The following FECH variants were observed in gnomAD, a reference collection of about 807,000 sequenced individuals.
The protein encoded by FECH is ferrochelatase.
Under a neutral mutation model 56.9 loss-of-function variants are expected in FECH, and 40 were observed. The observed-to-expected ratio is 0.70, with a 90% CI of 0.55 to 0.92. The LOEUF is 0.92. FECH is among the 40% of genes least tolerant of loss of function. The pLI is 0.00. For synonymous variants in FECH, 175 were observed against 198.6 expected, an observed-to-expected ratio of 0.88 and a Z score of 1.00; for missense variants, 431 against 529.1, an observed-to-expected ratio of 0.81 and a Z score of 1.82.
At chr18:57,579,313 G>GTGTGTATA (rs531089366) in intron 2 of FECH, among the ~76,000 whole-genome samples, 2,510 of 143,700 alleles carry the variant, frequency 0.017, 78 homozygotes, top group African/African-American at 0.063. Context: ...GTGTGTGTGT[G>GTGTGTATA]TATATATTCA....
At chr18:57,576,595 C>A (rs1030075572) in intron 2 of FECH, among the ~76,000 whole-genome samples, 2 of 152,138 alleles carry the variant, frequency 1.3e-5, no homozygotes, top group Non-Finnish European at 2.9e-5. Context: ...AGTGTGCAAA[C>A]GGGATTTAGA....
rs1437186902 is a variant in FECH at position 57,554,959 on chromosome 18, CAG to C, written c.805-9_805-8del. 6 of 1,611,662 alleles carry C rather than the reference CAG, an allele frequency of 3.7e-6. No individual in the cohort carries two copies. The highest frequency in any genetic ancestry group is 5.1e-6 in the Non-Finnish European group (6 of 1,177,844). On this transcript the variant is annotated splice_region_variant and splice_polypyrimidine_tract_variant and intron_variant, in intron 7 of 10. Transcript: ENST00000262093. ...GGTCGCCTCTGTTGACCACCTGCAG[CAG>C]AGACACAATGGGTGTTCAGCCATTA...
chr18:57,575,141 A>C (rs1234640697), intron 2 of FECH, among the ~76,000 whole-genome samples: 2 of 152,140 alleles, frequency 1.3e-5, no homozygotes, highest in African/African-American at 4.8e-5. Flanking sequence ...ACTCAGCATA[A>C]AATGTTCATG....
At position 57,550,602 on chromosome 18, in the gene FECH, T is replaced by A; in HGVS notation, c.*110A>T. On this transcript the variant is annotated 3_prime_UTR_variant, in exon 11 of 11. Coordinates refer to ENST00000262093, the MANE Select transcript of FECH (RefSeq NM_000140.5). ...AATTTGTACCCAAAGGCTGTATATA[T>A]ATCAAGGAAGGATGACTTCCTTCCT... The A allele has an allele frequency of 7.2e-7, 1 of 1,394,050 alleles. No individual in the cohort carries two copies. The highest frequency in any genetic ancestry group is 1.8e-4 in the Middle Eastern group (1 of 5,584). 86.4% of individuals were successfully genotyped at this position (1,394,050 alleles called of 1,614,324 possible). A position where few individuals can be genotyped will look rare whatever the true frequency, so the allele number is the denominator to read the frequency against.
In FECH at chr18:57,571,555, A is replaced by G; in HGVS notation, c.315-15T>C. ...GTGCCAGCTTACTAAATCATTTAAC[A>G]TACAGGTAAGTGGATTTTATTCCAG... On this transcript the variant is annotated splice_polypyrimidine_tract_variant and intron_variant, in intron 3 of 10. Coordinates refer to ENST00000262093, the MANE Select transcript of FECH (RefSeq NM_000140.5). The G allele has an allele frequency of 1.2e-6, 2 of 1,614,128 alleles. No individual in the cohort carries two copies. Among genetic ancestry groups the G allele is most frequent in the Non-Finnish European group, 1.7e-6 (2 of 1,180,020 alleles).
chr18:57,573,463 C>T, intron 2 of FECH, 98 bp from the exon 3 acceptor site: 1 of 1,418,138 alleles, frequency 7.1e-7, no homozygotes. Flanking sequence ...CTGTTCCATA[C>T]AAAGGTAAAT....
chr18:57,575,884 T>G (rs2051178968), intron 2 of FECH, among the ~76,000 whole-genome samples: 1 of 152,232 alleles, frequency 6.6e-6, no homozygotes, highest in African/African-American at 2.4e-5. Context: ...CTCAACCTAC[T>G]TTTTCAGAAT....
rs745970721 is a variant in FECH at position 57,550,710 on chromosome 18, G to C, written c.*2C>G. On this transcript the variant is annotated 3_prime_UTR_variant, in exon 11 of 11. Coordinates refer to ENST00000262093, the MANE Select transcript of FECH (RefSeq NM_000140.5). ...TAACGCCACGGGGTCCACCGGCGGG[G>C]GTCACAGCTGCTGGCTGGTGAAGAA... is the stretch of plus-strand genomic sequence containing the variant. 6.2e-7 allele frequency: 1 copy of C among 1,613,880 alleles called. No individual in the cohort carries two copies.
At position 57,550,498 on chromosome 18, in the gene FECH, G is replaced by A; in HGVS notation, c.*214C>T. On this transcript the variant is annotated 3_prime_UTR_variant, in exon 11 of 11. Transcript: ENST00000262093. The stretch of plus-strand genomic sequence containing the variant: ...TCCAAACTAGTAACTTATACCTAGA[G>A]AGAGAAAATACAAATGCTTACTGTA... 1.8e-6 allele frequency: 1 copy of A among 554,570 alleles called. No homozygotes were observed. Among genetic ancestry groups the A allele is most frequent in the South Asian group, 2.1e-5 (1 of 47,148 alleles). 34.4% of individuals were successfully genotyped at this position (554,570 alleles called of 1,614,324 possible).
chr18:57,551,317 T>A lies in FECH; in HGVS notation c.1135A>T (p.Lys379Ter), dbSNP rs879255507. 12 of 1,606,970 alleles carry A rather than the reference T, an allele frequency of 7.5e-6. No homozygotes were observed. Among genetic ancestry groups the A allele is most frequent in the Non-Finnish European group, 1.0e-5 (12 of 1,173,716 alleles). The change falls in exon 10 of 11, where the codon AAG becomes TAG. Residue 379 changes from lysine (K) to a stop codon, truncating the protein, a stop_gained and splice_region_variant. Transcript: ENST00000262093. LOFTEE classifies it high-confidence loss of function. ...ESLNGNPLFS[K>*]ALADLVHSHI... ...AACGATTGTAACACTGTAGATACCT[T>A]AGAGAACAATGGATTTCCATTAAGA...
Position 57,582,792 on chromosome 18 carries a change from G to A in FECH, c.68-2593C>T, listed in dbSNP as rs1422133906. On this transcript the variant is annotated intron_variant, in intron 1 of 10. Transcript: ENST00000262093. ...AAAAAAATTAGCCAGGCGTGGTGGC[G>A]GGTGCCTGTAGTTCCAGGCTGAGAC... 1.2e-4 allele frequency among the ~76,000 whole-genome samples: 18 copies of A among 151,586 alleles called. 1 individual carries two copies. The highest frequency in any genetic ancestry group is 6.3e-4 in the South Asian group (3 of 4,784).
chr18:57,583,347 C>T (rs749961990), intron 1 of FECH, among the ~76,000 whole-genome samples: 3 of 152,324 alleles, frequency 2.0e-5, no homozygotes, highest in South Asian at 2.1e-4. Flanking sequence ...GTAGAGAGTA[C>T]GTGTTCGGAA....
At chr18:57,584,195 G>C (rs1646592) in intron 1 of FECH, among the ~76,000 whole-genome samples, 40,856 of 137,262 alleles carry the variant, frequency 0.3, 6,770 homozygotes, top group African/African-American at 0.47. Flanking sequence ...AAAAAAAAAA[G>C]AAAACAAAAC....
At chr18:57,575,349 T>C (rs560212759) in intron 2 of FECH, among the ~76,000 whole-genome samples, 5 of 152,328 alleles carry the variant, frequency 3.3e-5, no homozygotes, top group African/African-American at 1.2e-4. Context: ...CTCTGACCAC[T>C]GCAGTGACTA....
At chr18:57,563,778 G>A (rs540832380) in intron 5 of FECH, among the ~76,000 whole-genome samples, 5 of 152,076 alleles carry the variant, frequency 3.3e-5, no homozygotes, top group African/African-American at 1.2e-4. Context: ...TTACAAAGTT[G>A]TAATTTTTAA....
Position 57,548,469 on chromosome 18 carries a change from T to G in FECH, c.*2243A>C, listed in dbSNP as rs372328627. 330 of 152,242 alleles carry G rather than the reference T, an allele frequency of 2.2e-3. 2 individuals carry two copies. The highest frequency in any genetic ancestry group is 7.5e-3 in the African/African-American group (313 of 41,540). The allele number at this position is 152,242 out of a possible 1,614,324, so 9.4% of individuals were successfully genotyped here. On this transcript the variant is annotated 3_prime_UTR_variant, in exon 11 of 11. Transcript: ENST00000262093. The stretch of plus-strand genomic sequence containing the variant: ...GTCCCTGCAAAAGTTTCTGTAGAAG[T>G]TGATTCATCAATTAAAAGCCAGATC...
rs2050903741 is a variant in FECH, at chr18:57,558,997, G to A, written c.804+148C>T. The A allele has an allele frequency of 4.4e-6, 3 of 678,432 alleles. No individual in the cohort carries two copies. In the East Asian group the frequency reaches 8.3e-5, roughly 19 times the overall value. The allele number at this position is 678,432 out of a possible 1,614,324, so 42.0% of individuals were successfully genotyped here. On this transcript the variant is annotated intron_variant, in intron 7 of 10. Transcript: ENST00000262093. ...ATTGTTACGAGGTTTTAAGAAGTGA[G>A]GCTAGTTAGCACCAAGTCTGAGATT... is the stretch of plus-strand genomic sequence containing the variant.
chr18:57,563,114 T>C, intron 5 of FECH, 134 bp from the exon 6 acceptor site: 1 of 725,184 alleles, frequency 1.4e-6, no homozygotes, highest in East Asian at 2.7e-5. Context: ...TTACAATCAT[T>C]TCAATACTCT....
rs2050737811 is a variant in FECH at position 57,547,708 on chromosome 18, C to T, written c.*3004G>A. Among the ~76,000 whole-genome samples, 2 of 152,152 alleles carry T rather than the reference C, an allele frequency of 1.3e-5. No individual in the cohort carries two copies. The highest frequency in any genetic ancestry group is 4.8e-5 in the African/African-American group (2 of 41,440). ...AGTGCAGTGGTGCAATCACACCTCA[C>T]TGCAACCTCAAACTGCTGGGCTCAA... is the stretch of plus-strand genomic sequence containing the variant. On this transcript the variant is annotated 3_prime_UTR_variant, in exon 11 of 11. Coordinates refer to ENST00000262093, the MANE Select transcript of FECH (RefSeq NM_000140.5).
Sources: allele counts gnomAD v4.1 joint callset (sites outside exome capture counted in the v4.1 genomes callset), GRCh38; gene constraint gnomAD v4.1.1; transcripts MANE v1.5; gene names NCBI Gene and HGNC (gene_info 2026-07-23, HGNC 2026-07-21).